Variants in GABRB3 observed in about 807,000 individuals in gnomAD.
GABRB3 encodes gamma-aminobutyric acid type A receptor subunit beta3.
In GABRB3, 14 loss-of-function variants were observed where a neutral mutation model predicts 52.1. The observed-to-expected ratio is 0.27, with a 90% confidence interval of 0.18 to 0.42. The LOEUF is 0.42. GABRB3 is among the 10% of genes least tolerant of loss of function. GABRB3 has a pLI of 1.00. For synonymous variants in GABRB3, 260 were observed against 232.3 expected (o/e 1.12, Z -1.08); for missense variants, 307 against 609.1 (o/e 0.50, Z 5.22).
At chr15:26,760,809 G>GCACAAACACACACACACACACACA (rs1890798461) in intron 3 of GABRB3, among the ~76,000 whole-genome samples, 2 of 149,286 alleles carry the variant, frequency 1.3e-5, no homozygotes, top group African/African-American at 2.5e-5. Context: ...ACACGCGCAC[G>GCACAAACACACACACACACACACA]CACACACACA....
chr15:26,603,949 A>G (rs1190220635), intron 4 of GABRB3, among the ~76,000 whole-genome samples: 2 of 152,116 alleles, frequency 1.3e-5, no homozygotes, highest in Non-Finnish European at 2.9e-5. Context: ...AGAAAAATAA[A>G]AGACATCCAA....
In GABRB3 at chr15:26,772,851, C is replaced by A. The variant is rs573761918; in HGVS notation, c.80+32G>T. ...AGCGCCCCGCGCACCCCGCGCCCTG[C>A]CCGCCGCCCGCCGGCCCACCCGCGA... On this transcript the variant is annotated intron_variant, in intron 1 of 8. Transcript: ENST00000311550. 22 of 1,448,392 alleles carry A rather than the reference C, an allele frequency of 1.5e-5. No individual in the cohort carries two copies. In the African/African-American group the frequency reaches 3.1e-4, roughly 20 times the overall value. The allele number at this position is 1,448,392 out of a possible 1,614,324, so 89.7% of individuals were successfully genotyped here.
chr15:26,612,333 A>C (rs1892101441), intron 4 of GABRB3: 1 of 152,256 alleles, frequency 6.6e-6, no homozygotes, highest in Non-Finnish European at 1.5e-5. Context: ...TAAGACTAAA[A>C]TAATCAGGAT....
At chr15:26,611,957 C>G (rs1167838535) in intron 4 of GABRB3, 1 of 152,164 alleles carries the variant, frequency 6.6e-6, no homozygotes, top group Non-Finnish European at 1.5e-5. Context: ...TTATTTCACA[C>G]TGTACTTGCT....
At chr15:26,759,235 T>C (rs1237935357) in intron 3 of GABRB3, among the ~76,000 whole-genome samples, 1 of 151,000 alleles carries the variant, frequency 6.6e-6, no homozygotes, top group Non-Finnish European at 1.5e-5. Flanking sequence ...AGACTAGGAA[T>C]AAAAAAAAAT....
At chr15:26,680,890 A>AT (rs1346966663) in intron 3 of GABRB3, among the ~76,000 whole-genome samples, 1 of 152,186 alleles carries the variant, frequency 6.6e-6, no homozygotes, top group African/African-American at 2.4e-5. Flanking sequence ...TTCTTACTGA[A>AT]TAACTATCCT....
intron 3 of GABRB3, chr15:26,629,214 G>A (rs976764739): frequency 1.2e-5 from 17 of 1,434,618 alleles, no homozygotes; most frequent in Admixed American, 2.4e-5. Context: ...GGCAATCAGG[G>A]GCGGGGCCTG....
chr15:26,583,895 C>T (rs1479117189), intron 4 of GABRB3, among the ~76,000 whole-genome samples: 1 of 151,900 alleles, frequency 6.6e-6, no homozygotes. Context: ...CTGCCTCAGC[C>T]TCCCGAGTAG....
At chr15:26,732,121 GAC>G (rs1414577612) in intron 3 of GABRB3, among the ~76,000 whole-genome samples, 1 of 151,840 alleles carries the variant, frequency 6.6e-6, no homozygotes, top group Admixed American at 6.6e-5. Flanking sequence ...TGGATGGACA[GAC>G]AGATGGACAG....
chr15:26,669,249 T>C (rs537605684), intron 3 of GABRB3, among the ~76,000 whole-genome samples: 1 of 152,342 alleles, frequency 6.6e-6, no homozygotes, highest in African/African-American at 2.4e-5. Flanking sequence ...TTCGTTTCAG[T>C]GATGTCCTTC....
At chr15:26,633,495 T>G (rs947457273) in intron 3 of GABRB3, among the ~76,000 whole-genome samples, 5 of 152,174 alleles carry the variant, frequency 3.3e-5, no homozygotes, top group African/African-American at 1.2e-4. Context: ...CACCTAGCCT[T>G]GTTTCCACCT....
At chr15:26,706,997 G>A (rs964617412) in intron 3 of GABRB3, among the ~76,000 whole-genome samples, 5 of 152,170 alleles carry the variant, frequency 3.3e-5, no homozygotes, top group African/African-American at 1.2e-4. Flanking sequence ...GCTAGGTGTC[G>A]GAGTGCCAGG....
rs190263263 is a variant in GABRB3 at position 26,628,507 on chromosome 15, T to C, written c.241-6973A>G. On this transcript the variant is annotated intron_variant, in intron 3 of 8. Coordinates refer to ENST00000311550, the MANE Select transcript of GABRB3 (RefSeq NM_000814.6). ...AAAAAGAAGCCACTTCTGGGAAGGA[T>C]GACTACAGGTGAATTCTTGGAAAAA... Among the ~76,000 whole-genome samples, 6 of 152,192 alleles carry C rather than the reference T, an allele frequency of 3.9e-5. No individual in the cohort carries two copies. The East Asian group carries it at 7.8e-4, about 20-fold the overall frequency.
chr15:26,563,136 ACTTT>A, intron 7 of GABRB3, among the ~76,000 whole-genome samples: 1 of 152,126 alleles, frequency 6.6e-6, no homozygotes, highest in African/African-American at 2.4e-5. Flanking sequence ...TTTAGTCACG[ACTTT>A]GCCTCTCCTG....
intron 3 of GABRB3, among the ~76,000 whole-genome samples, chr15:26,707,922 A>C (rs1889157914): frequency 6.6e-6 from 1 of 152,290 alleles, no homozygotes; most frequent in South Asian, 2.1e-4. Flanking sequence ...TCAGATTTCA[A>C]ATTTTTTGGA....
At chr15:26,743,462 C>A (rs1011619631) in intron 3 of GABRB3, among the ~76,000 whole-genome samples, 1 of 152,144 alleles carries the variant, frequency 6.6e-6, no homozygotes, top group Non-Finnish European at 1.5e-5. Flanking sequence ...ACCATACAAT[C>A]TTTAACTTGC....
chr15:26,565,336 G>A (rs1047163078), intron 7 of GABRB3, among the ~76,000 whole-genome samples: 1 of 152,164 alleles, frequency 6.6e-6, no homozygotes, highest in South Asian at 2.1e-4. Flanking sequence ...CATACTCTGA[G>A]AGCTGGATCT....
chr15:26,573,673 CA>C (rs1454002130), intron 6 of GABRB3, among the ~76,000 whole-genome samples: 126 of 152,248 alleles, frequency 8.3e-4, no homozygotes, highest in East Asian at 3.9e-4. Context: ...AGTTATGCTC[CA>C]AAGTGTACCG....
At chr15:26,759,622 T>C (rs754260912) in intron 3 of GABRB3, among the ~76,000 whole-genome samples, 4 of 152,238 alleles carry the variant, frequency 2.6e-5, no homozygotes, top group Non-Finnish European at 5.9e-5. Context: ...CTGCATTAAA[T>C]GCTGGCTCCT....
Sources: gnomAD v4.1 joint callset for allele counts (sites outside exome capture counted in the v4.1 genomes callset) on GRCh38, gnomAD v4.1.1 for gene constraint, MANE v1.5 for transcripts, NCBI Gene and HGNC (gene_info 2026-07-23, HGNC 2026-07-21) for gene names.